AOPEP: variants seen among roughly 807,000 people sequenced by gnomAD.
AOPEP encodes the protein aminopeptidase O.
Under a neutral mutation model 98.1 loss-of-function variants are expected in AOPEP, and 77 were observed. That is an observed-to-expected ratio of 0.78 (90% CI 0.65 to 0.95). AOPEP has a LOEUF of 0.95. Ranked by LOEUF, AOPEP falls within the 40% of genes least tolerant of loss-of-function variation. The probability of loss-of-function intolerance (pLI) is 0.00; values close to 1 mark genes in which losing one functional copy is unlikely to be tolerated. For synonymous variants in AOPEP, 346 were observed against 365.3 expected (o/e 0.95, Z 0.60); for missense variants, 1,024 against 1,024.7 (o/e 1.00, Z 0.01).
intron 14 of AOPEP, among the ~76,000 whole-genome samples, chr9:95,066,889 T>C (rs1271306756): frequency 2.0e-5 from 3 of 152,238 alleles, no homozygotes; most frequent in East Asian, 3.8e-4. Flanking sequence ...CTGGGTTCTT[T>C]ACAGCTCAGT....
chr9:94,918,991 CTG>C (rs2053216785), intron 5 of AOPEP, among the ~76,000 whole-genome samples: 2 of 152,008 alleles, frequency 1.3e-5, no homozygotes, highest in Admixed American at 1.3e-4. Flanking sequence ...TCTCGGCTCA[CTG>C]TAACCTCCGC....
intron 10 of AOPEP, among the ~76,000 whole-genome samples, chr9:94,968,041 A>G (rs2059315635): frequency 6.6e-6 from 1 of 152,174 alleles, no homozygotes. Flanking sequence ...CCCAAAAGTG[A>G]TATGGGAGGC....
intron 3 of AOPEP, among the ~76,000 whole-genome samples, chr9:94,778,352 A>G (rs1402660293): frequency 1.3e-5 from 2 of 152,194 alleles, no homozygotes; most frequent in African/African-American, 4.8e-5. Context: ...GATTGTTCAC[A>G]GCACATTTTC....
At chr9:95,006,318 A>G (rs564456758) in intron 13 of AOPEP, 32 of 319,838 alleles carry the variant, frequency 1.0e-4, no homozygotes, top group African/African-American at 6.5e-4. Flanking sequence ...GCTTTTGCTT[A>G]ATTACATTTC....
intron 1 of AOPEP, among the ~76,000 whole-genome samples, chr9:94,753,767 G>T (rs966435793): frequency 6.6e-6 from 1 of 152,312 alleles, no homozygotes; most frequent in Admixed American, 6.5e-5. Context: ...GGATTGAAAA[G>T]ATGTGCCGGG....
intron 13 of AOPEP, among the ~76,000 whole-genome samples, chr9:95,032,554 C>T (rs892059202): frequency 6.6e-6 from 1 of 152,206 alleles, no homozygotes; most frequent in African/African-American, 2.4e-5. Flanking sequence ...ACCAGAGGGT[C>T]CTTCACCTTG....
the AOPEP span, among the ~76,000 whole-genome samples, chr9:95,127,741 C>G: frequency 2.3e-4 from 35 of 152,356 alleles, no homozygotes; most frequent in African/African-American, 8.4e-4. Flanking sequence ...CGCTCTGCTC[C>G]GGCCGTGCCC....
intron 13 of AOPEP, among the ~76,000 whole-genome samples, chr9:95,044,608 G>A (rs1587767242): frequency 6.6e-6 from 1 of 152,352 alleles, no homozygotes; most frequent in East Asian, 1.9e-4. Flanking sequence ...CTTGAATAGT[G>A]ATTTGAGTAG....
the AOPEP span, among the ~76,000 whole-genome samples, chr9:95,121,418 A>T: frequency 6.6e-6 from 1 of 152,228 alleles, no homozygotes; most frequent in East Asian, 1.9e-4. Context: ...ATCACTCATA[A>T]ACTGTTGCAG....
At chr9:95,039,777 G>A (rs1003222583) in intron 13 of AOPEP, among the ~76,000 whole-genome samples, 2 of 148,222 alleles carry the variant, frequency 1.3e-5, no homozygotes, top group African/African-American at 5.0e-5. Flanking sequence ...CACCTTTCAT[G>A]TTAATTTTAA....
At chr9:95,115,488 T>C in the AOPEP span, among the ~76,000 whole-genome samples, 3 of 152,180 alleles carry the variant, frequency 2.0e-5, no homozygotes, top group African/African-American at 4.8e-5. Context: ...TGATTTCAGG[T>C]TTACAGTGGA....
At chr9:95,020,808 C>G (rs1460882024) in intron 13 of AOPEP, among the ~76,000 whole-genome samples, 1 of 148,916 alleles carries the variant, frequency 6.7e-6, no homozygotes, top group Non-Finnish European at 1.5e-5. Context: ...GTCCCAGCTA[C>G]TCAGGAGGCT....
intron 13 of AOPEP, among the ~76,000 whole-genome samples, chr9:95,057,640 G>A (rs2066939897): frequency 6.6e-6 from 1 of 152,176 alleles, no homozygotes; most frequent in Non-Finnish European, 1.5e-5. Context: ...ATGTTGTAAT[G>A]TGTACTTTGC....
At position 94,773,009 on chromosome 9, in the gene AOPEP, G is replaced by A. The variant is rs1841238074; in HGVS notation, c.805G>A (p.Val269Ile). ...WTSDQSGRPC[V>I]YTVGSPINNR... ...TTTGTCTCTCTTCTGCAGGCCATGT[G>A]TTTATACTGTGGGATCTCCCATAAA... Residue 269 changes from valine (V) to isoleucine (I), a missense_variant, in exon 3 of 17, where the codon GTT becomes ATT. Physicochemically the swap from Val to Ile is conservative, Grantham distance 29. Transcript: ENST00000375315. 4 of 1,611,282 alleles carry A rather than the reference G, an allele frequency of 2.5e-6. No homozygotes were observed. The highest frequency in any genetic ancestry group is 3.4e-6 in the Non-Finnish European group (4 of 1,178,620).
the AOPEP span, among the ~76,000 whole-genome samples, chr9:95,108,280 C>G: frequency 6.6e-6 from 1 of 152,234 alleles, no homozygotes; most frequent in Non-Finnish European, 1.5e-5. Context: ...CGGGGAGCGG[C>G]AGCGCTCCAG....
At chr9:94,811,384 C>G (rs993170964) in intron 5 of AOPEP, among the ~76,000 whole-genome samples, 30 of 152,138 alleles carry the variant, frequency 2.0e-4, no homozygotes, top group African/African-American at 7.2e-4. Flanking sequence ...GCATGCATGG[C>G]AGAACTTTAC....
intron 7 of AOPEP, chr9:94,932,322 T>C (rs1393554041): frequency 1.0e-6 from 1 of 972,516 alleles, no homozygotes; most frequent in East Asian, 1.1e-4. Context: ...TTATAGATAC[T>C]GGAGTATTAA....
intron 9 of AOPEP, among the ~76,000 whole-genome samples, chr9:94,961,904 T>C (rs1271420473): frequency 6.6e-6 from 1 of 152,258 alleles, no homozygotes; most frequent in East Asian, 1.9e-4. Context: ...AGCACTCTCC[T>C]GACCTTTCGT....
At chr9:95,025,076 A>C (rs2063739080) in intron 13 of AOPEP, among the ~76,000 whole-genome samples, 1 of 152,234 alleles carries the variant, frequency 6.6e-6, no homozygotes, top group Non-Finnish European at 1.5e-5. Flanking sequence ...ATCTCAATCA[A>C]CTTAAATATT....
Sources: gnomAD v4.1 joint callset for allele counts (sites outside exome capture counted in the v4.1 genomes callset) on GRCh38, gnomAD v4.1.1 for gene constraint, MANE v1.5 for transcripts, NCBI Gene and HGNC (gene_info 2026-07-23, HGNC 2026-07-21) for gene names.